The following SCOC variants were observed in gnomAD, a reference collection of about 807,000 sequenced individuals.
SCOC encodes the protein short coiled coil protein.
SCOC carries 7 observed loss-of-function variants against 9.9 expected under a neutral mutation model. The observed-to-expected ratio is 0.71, with a 90% CI of 0.40 to 1.33. The LOEUF (loss-of-function observed/expected upper bound fraction) is 1.33. Among genes scored for constraint, SCOC ranks in the 40% most tolerant of loss-of-function variants. SCOC has a pLI of 0.01. For synonymous variants in SCOC, 19 were observed against 28.2 expected (o/e 0.67, Z 1.03); for missense variants, 66 against 89.7 (o/e 0.74, Z 1.07).
chr4:140,376,175 C>G (rs1010629452), intron 1 of SCOC, among the ~76,000 whole-genome samples: 2 of 152,088 alleles, frequency 1.3e-5, no homozygotes, highest in African/African-American at 4.8e-5. Context: ...GGGATCAATA[C>G]TATTTTAAAA....
At chr4:140,374,417 C>G (rs1358176018) in intron 1 of SCOC, 1 of 306,858 alleles carries the variant, frequency 3.3e-6, no homozygotes, top group African/African-American at 2.3e-5. Context: ...GCCCGAGGAC[C>G]CAAAGCTGTG....
intron 1 of SCOC, among the ~76,000 whole-genome samples, chr4:140,328,764 G>A (rs561317549): frequency 6.6e-6 from 1 of 152,230 alleles, no homozygotes; most frequent in Non-Finnish European, 1.5e-5. Context: ...GATTCCATCT[G>A]ACACATGTCT....
At position 140,338,211 on chromosome 4, in the gene SCOC, CA is replaced by C. The variant is rs549056843; in HGVS notation, c.-18-5408del. On this transcript the variant is annotated intron_variant, in intron 1 of 4. Transcript: ENST00000394205. Reference sequence around the variant, plus strand: ...AAAGACAAAAACCACATGATTATCTCAATAGATGCAGAAAAGGCCTTCAACA... The same window carrying C: ...AAAGACAAAAACCACATGATTATCTCATAGATGCAGAAAAGGCCTTCAACA... Among the ~76,000 whole-genome samples the C allele has an allele frequency of 4.5e-3, 690 of 152,276 alleles. 23 individuals carry two copies. Among genetic ancestry groups the C allele is most frequent in the Admixed American group, 0.041 (630 of 15,292 alleles).
intron 2 of SCOC, among the ~76,000 whole-genome samples, chr4:140,361,484 T>C (rs11100622): frequency 0.55 from 83,869 of 151,772 alleles, 25,133 homozygotes; most frequent in Non-Finnish European, 0.68. Context: ...GGCAATATAA[T>C]GAGACCTCAT....
intron 1 of SCOC, among the ~76,000 whole-genome samples, chr4:140,324,843 T>C (rs531258119): frequency 6.6e-6 from 1 of 151,666 alleles, no homozygotes; most frequent in Non-Finnish European, 1.5e-5. Context: ...TTTAAACTTA[T>C]ATAGAAAGGC....
intron 1 of SCOC, among the ~76,000 whole-genome samples, chr4:140,290,283 A>C (rs886398959): frequency 2.6e-5 from 4 of 152,196 alleles, no homozygotes; most frequent in Non-Finnish European, 5.9e-5. Flanking sequence ...GCAGGGTAAA[A>C]TCTCAGACCC....
chr4:140,374,415 A>G, intron 1 of SCOC: 1 of 306,736 alleles, frequency 3.3e-6, no homozygotes, highest in Non-Finnish European at 6.4e-6. Context: ...ATGCCCGAGG[A>G]CCCAAAGCTG....
In SCOC at chr4:140,362,273, C is replaced by CTGTTCTTCTTCTTCTTCTT; in HGVS notation, c.71-16848_71-16847insTGTTCTTCTTCTTCTTCTT. ...AAAGACCGGCTAAAGACAGGTGTGTCCTTACTTCTTCTTCTTCTTCTTCTT... is the reference window on the plus strand; with the variant it reads ...AAAGACCGGCTAAAGACAGGTGTGTCTGTTCTTCTTCTTCTTCTTCTTACTTCTTCTTCTTCTTCTTCTT... On this transcript the variant is annotated intron_variant, in intron 2 of 4. Transcript: ENST00000338517. 4.3e-3 allele frequency among the ~76,000 whole-genome samples: 124 copies of CTGTTCTTCTTCTTCTTCTT among 29,022 alleles called. 32 individuals are homozygous for CTGTTCTTCTTCTTCTTCTT. The highest frequency in any genetic ancestry group is 4.4e-3 in the Admixed American group (13 of 2,950). The allele number at this position is 29,022 out of a possible 152,430, so 19.0% of individuals were successfully genotyped here. A position where few individuals can be genotyped will look rare whatever the true frequency, so the allele number is the denominator to read the frequency against.
At chr4:140,322,652 T>G (rs552163965) in intron 1 of SCOC, among the ~76,000 whole-genome samples, 177 of 152,314 alleles carry the variant, frequency 1.2e-3, no homozygotes, top group African/African-American at 4.0e-3. Context: ...GTGGCTTCTC[T>G]TAATTGCTTA....
At chr4:140,276,291 C>T (rs916870474) in intron 1 of SCOC, among the ~76,000 whole-genome samples, 12 of 151,914 alleles carry the variant, frequency 7.9e-5, no homozygotes, top group South Asian at 2.1e-4. Flanking sequence ...CGTGAGCTAC[C>T]GCACCCGGCC....
upstream of SCOC, chr4:140,343,411 G>A (rs185064131): frequency 9.2e-6 from 4 of 432,862 alleles, no homozygotes; most frequent in Non-Finnish European, 1.7e-5. Context: ...CTCCGGTCAA[G>A]GGTTGTAAGT....
chr4:140,321,039 A>C (rs924657777), intron 1 of SCOC, among the ~76,000 whole-genome samples: 3 of 152,182 alleles, frequency 2.0e-5, no homozygotes, highest in Non-Finnish European at 4.4e-5. Context: ...TCTCCGGAGG[A>C]TAGTGCAAAG....
At chr4:140,373,185 G>A (rs1032733796), upstream of SCOC, 11 of 735,540 alleles carry the variant, frequency 1.5e-5, no homozygotes, top group African/African-American at 5.7e-5. Context: ...GAACGACGGT[G>A]TCGCGTTGAC....
chr4:140,271,622 A>T (rs1730847213), intron 1 of SCOC, among the ~76,000 whole-genome samples: 1 of 152,172 alleles, frequency 6.6e-6, no homozygotes, highest in Non-Finnish European at 1.5e-5. Flanking sequence ...ATAATATGTT[A>T]GGCTGGGAAT....
chr4:140,274,562 C>T (rs1730933638), intron 1 of SCOC, among the ~76,000 whole-genome samples: 1 of 152,122 alleles, frequency 6.6e-6, no homozygotes, highest in Non-Finnish European at 1.5e-5. Context: ...TAGGGAGATG[C>T]CAAGAACCTC....
intron 1 of SCOC, among the ~76,000 whole-genome samples, chr4:140,330,166 G>C (rs780799026): frequency 2.0e-5 from 3 of 152,126 alleles, no homozygotes; most frequent in African/African-American, 4.8e-5. Context: ...TATGGAATTG[G>C]AGAATATTAT....
chr4:140,375,507 C>T (rs1728306999), intron 1 of SCOC, among the ~76,000 whole-genome samples: 1 of 152,102 alleles, frequency 6.6e-6, no homozygotes, highest in Non-Finnish European at 1.5e-5. Flanking sequence ...TATTGTTAAT[C>T]ATTGTGCCAG....
intron 1 of SCOC, among the ~76,000 whole-genome samples, chr4:140,260,407 G>A (rs1184476732): frequency 6.6e-6 from 1 of 152,202 alleles, no homozygotes; most frequent in Admixed American, 6.5e-5. Context: ...TTGAAATGAT[G>A]GCGAGTGTGT....
At chr4:140,364,379 C>T (rs1453676060) in intron 2 of SCOC, among the ~76,000 whole-genome samples, 1 of 152,088 alleles carries the variant, frequency 6.6e-6, no homozygotes, top group Admixed American at 6.5e-5. Flanking sequence ...CAAGAGACAG[C>T]AGACAAGTTT....
Sources: allele counts gnomAD v4.1 joint callset (sites outside exome capture counted in the v4.1 genomes callset), GRCh38; gene constraint gnomAD v4.1.1; transcripts MANE v1.5; gene names NCBI Gene and HGNC (gene_info 2026-07-23, HGNC 2026-07-21).